The following CTNNA2 variants were observed in gnomAD, a reference collection of about 807,000 sequenced individuals.
CTNNA2 encodes catenin alpha 2.
Under a neutral mutation model 101.0 loss-of-function variants are expected in CTNNA2, and 42 were observed. That is an observed-to-expected ratio of 0.42 (90% CI 0.32 to 0.54). The LOEUF is 0.54. Ranked by LOEUF, CTNNA2 falls within the 20% of genes least tolerant of loss-of-function variation. The probability of loss-of-function intolerance (pLI) is 0.14; values close to 1 mark genes in which losing one functional copy is unlikely to be tolerated. For synonymous variants in CTNNA2, 450 were observed against 456.4 expected (o/e 0.99, Z 0.18); for missense variants, 871 against 1,223.1 (o/e 0.71, Z 4.29).
chr2:79,540,924 G>T (rs909931207), intron 1 of CTNNA2, among the ~76,000 whole-genome samples: 1 of 151,978 alleles, frequency 6.6e-6, no homozygotes, highest in African/African-American at 2.4e-5. Flanking sequence ...GTTGGAAATG[G>T]GTAGCTTTTA....
rs566154453 is a variant in CTNNA2, at chr2:79,579,142, T to C, written c.-6+65935T>C. 1.0e-3 allele frequency among the ~76,000 whole-genome samples: 152 copies of C among 151,308 alleles called. 2 individuals carry two copies. The highest frequency in any genetic ancestry group is 9.9e-3 in the Admixed American group (150 of 15,174). Reference sequence around the variant, plus strand: ...TTTTCTTTCCTTGTCTTTCCTTCCTTCCTTTCCTTCTCTTTTTTCTTTTTC... The same window carrying C: ...TTTTCTTTCCTTGTCTTTCCTTCCTCCCTTTCCTTCTCTTTTTTCTTTTTC... On this transcript the variant is annotated intron_variant, in intron 1 of 18. Coordinates refer to ENST00000402739, the MANE Select transcript of CTNNA2 (RefSeq NM_001282597.3).
At chr2:79,243,098 C>T (rs934981877) in intron 2 of CTNNA2, among the ~76,000 whole-genome samples, 20 of 150,656 alleles carry the variant, frequency 1.3e-4, no homozygotes, top group Admixed American at 4.0e-4. Context: ...TCTACCTTAC[C>T]CAAAAAGAAC....
intron 7 of CTNNA2, among the ~76,000 whole-genome samples, chr2:80,325,935 G>A (rs925151141): frequency 2.0e-5 from 3 of 152,180 alleles, no homozygotes; most frequent in Non-Finnish European, 4.4e-5. Flanking sequence ...TGGGCAAACA[G>A]ATTATCAACC....
In CTNNA2 at chr2:79,277,908, AGAGGTT is replaced by A. The variant is rs1443143020; in HGVS notation, c.-405-34799_-405-34794del. On this transcript the variant is annotated intron_variant, in intron 2 of 21. Coordinates refer to the CTNNA2 transcript ENST00000466387. ...TTCAAACTGTGCTCCAAAGCCCTCT[AGAGGTT>A]GCAAATGTGAGTGAGGAACAACTAA... is the stretch of plus-strand genomic sequence containing the variant. 5.3e-5 allele frequency among the ~76,000 whole-genome samples: 8 copies of A among 152,226 alleles called. No individual in the cohort carries two copies. The East Asian group carries it at 1.5e-3, about 29-fold the overall frequency.
At chr2:79,817,118 G>A (rs985288554) in intron 3 of CTNNA2, among the ~76,000 whole-genome samples, 2 of 151,782 alleles carry the variant, frequency 1.3e-5, no homozygotes, top group African/African-American at 4.8e-5. Context: ...CATGTGCCAT[G>A]TTGGTGTGCT....
chr2:79,469,049 C>G (rs1191929990), intron 4 of CTNNA2, among the ~76,000 whole-genome samples: 1 of 151,912 alleles, frequency 6.6e-6, no homozygotes, highest in Non-Finnish European at 1.5e-5. Context: ...CTGAAGGAGA[C>G]AGAGACACAA....
intron 7 of CTNNA2, among the ~76,000 whole-genome samples, chr2:80,182,024 A>G (rs1342580831): frequency 6.6e-6 from 1 of 152,196 alleles, no homozygotes; most frequent in Non-Finnish European, 1.5e-5. Context: ...TACAGGACTA[A>G]TAGGATAAAT....
rs373107173 is a variant in CTNNA2, at chr2:79,322,552, G to T, written c.-318+9756G>T. ...TTAGCCCAGATATTTCTTTCCATAT[G>T]ATACATCTGCTGGTTGATCTGACTA... On this transcript the variant is annotated intron_variant, in intron 3 of 21. Transcript: ENST00000466387. Among the ~76,000 whole-genome samples, 6 of 152,238 alleles carry T rather than the reference G, an allele frequency of 3.9e-5. No individual in the cohort carries two copies. In the East Asian group the frequency reaches 1.2e-3, roughly 29 times the overall value.
intron 3 of CTNNA2, among the ~76,000 whole-genome samples, chr2:79,336,668 G>C (rs1677001003): frequency 6.6e-6 from 1 of 152,102 alleles, no homozygotes; most frequent in Admixed American, 6.6e-5. Context: ...CTACAGGTGG[G>C]ATCCCCAATT....
At chr2:79,720,911 A>G (rs751430898) in intron 2 of CTNNA2, among the ~76,000 whole-genome samples, 4 of 152,094 alleles carry the variant, frequency 2.6e-5, no homozygotes, top group Non-Finnish European at 5.9e-5. Flanking sequence ...TTGTTTTAAC[A>G]CCATACAAAA....
chr2:79,617,417 G>A lies in CTNNA2; in HGVS notation c.-5-34135G>A, dbSNP rs1016034275. On this transcript the variant is annotated intron_variant, in intron 1 of 18. Transcript: ENST00000402739. ...CTTTTAAATTCTCTTATTTCCCATG[G>A]ATTGATCTTTCTATGTTATTTCTTA... 7.2e-5 allele frequency among the ~76,000 whole-genome samples: 11 copies of A among 152,012 alleles called. No homozygotes were observed. The East Asian group carries it at 2.1e-3, about 29-fold the overall frequency.
At chr2:80,208,994 A>G (rs925810603) in intron 7 of CTNNA2, among the ~76,000 whole-genome samples, 3 of 152,216 alleles carry the variant, frequency 2.0e-5, no homozygotes, top group African/African-American at 7.2e-5. Flanking sequence ...AGTGGGATTT[A>G]AAGAAAAGAA....
At chr2:80,469,094 T>G (rs1685086412) in intron 9 of CTNNA2, among the ~76,000 whole-genome samples, 1 of 152,106 alleles carries the variant, frequency 6.6e-6, no homozygotes, top group Admixed American at 6.5e-5. Context: ...TGTGACGGCT[T>G]ATAGGGGTCT....
At chr2:80,289,724 A>G (rs1675074095) in intron 7 of CTNNA2, among the ~76,000 whole-genome samples, 2 of 152,198 alleles carry the variant, frequency 1.3e-5, no homozygotes. Flanking sequence ...CCAGGTTCAC[A>G]GAGTCACACT....
chr2:79,190,791 A>G (rs1397120844), intron 1 of CTNNA2, among the ~76,000 whole-genome samples: 1 of 152,172 alleles, frequency 6.6e-6, no homozygotes, highest in African/African-American at 2.4e-5. Flanking sequence ...AGTTGTGTTC[A>G]GTAGGACTTT....
intron 1 of CTNNA2, among the ~76,000 whole-genome samples, chr2:79,539,116 A>AC (rs1673249144): frequency 6.6e-6 from 1 of 152,210 alleles, no homozygotes; most frequent in African/African-American, 2.4e-5. Flanking sequence ...AGTACAGCAG[A>AC]CAGAGACCTG....
intron 4 of CTNNA2, among the ~76,000 whole-genome samples, chr2:79,434,310 A>G (rs1180699280): frequency 6.6e-6 from 1 of 151,910 alleles, no homozygotes; most frequent in Non-Finnish European, 1.5e-5. Flanking sequence ...AAAAAAAAAA[A>G]AAAGGAAGAA....
intron 7 of CTNNA2, among the ~76,000 whole-genome samples, chr2:80,202,804 A>T (rs1707286970): frequency 6.6e-6 from 1 of 152,132 alleles, no homozygotes; most frequent in African/African-American, 2.4e-5. Context: ...AGACTTTTTA[A>T]AGCCTCTCCT....
intron 7 of CTNNA2, among the ~76,000 whole-genome samples, chr2:80,053,616 T>C (rs924334906): frequency 1.3e-5 from 2 of 152,208 alleles, no homozygotes; most frequent in Non-Finnish European, 2.9e-5. Flanking sequence ...CCAAACCTTG[T>C]TAAAATGCAG....
Sources: gnomAD v4.1 joint callset for allele counts (sites outside exome capture counted in the v4.1 genomes callset) on GRCh38, gnomAD v4.1.1 for gene constraint, MANE v1.5 for transcripts, NCBI Gene and HGNC (gene_info 2026-07-23, HGNC 2026-07-21) for gene names.